The following FLNB variants were observed in gnomAD, a reference collection of about 807,000 sequenced individuals.
FLNB encodes filamin-B.
In FLNB, 111 loss-of-function variants were observed where a neutral mutation model predicts 250.6. The ratio of observed to expected loss-of-function variants is 0.44; its 90% CI spans 0.38 to 0.52. The LOEUF (loss-of-function observed/expected upper bound fraction) is 0.52. FLNB is among the 20% of genes least tolerant of loss of function. The pLI, the probability that FLNB is intolerant of heterozygous loss-of-function variation, is 0.00. For missense variants in FLNB, 2,869 were observed against 3,447.8 expected (o/e 0.83, Z 4.20); for synonymous variants, 1,302 against 1,372.1 (o/e 0.95, Z 1.13).
At chr3:58,127,934 T>G (rs1427145159) in intron 24 of FLNB, among the ~76,000 whole-genome samples, 1 of 151,502 alleles carries the variant, frequency 6.6e-6, no homozygotes, top group Admixed American at 6.6e-5. Flanking sequence ...TGAGACCACC[T>G]CCCCCGCCCC....
chr3:58,110,753 T>A (rs2097267226), intron 16 of FLNB, among the ~76,000 whole-genome samples: 1 of 152,192 alleles, frequency 6.6e-6, no homozygotes, highest in African/African-American at 2.4e-5. Flanking sequence ...GCCACTCAGC[T>A]AATTGTTTTG....
intron 41 of FLNB, among the ~76,000 whole-genome samples, chr3:58,158,667 A>G (rs1575471569): frequency 6.6e-6 from 1 of 152,190 alleles, no homozygotes; most frequent in African/African-American, 2.4e-5. Context: ...AAATATCTCA[A>G]ATGTTGTTGC....
chr3:58,078,379 A>T, intron 2 of FLNB: 6 of 1,522,748 alleles, frequency 3.9e-6, no homozygotes, highest in South Asian at 1.2e-5. Context: ...TATATCCAGG[A>T]ATAGAGTAAA....
intron 4 of FLNB, among the ~76,000 whole-genome samples, chr3:58,085,823 T>C (rs1037112615): frequency 6.6e-6 from 1 of 152,056 alleles, no homozygotes; most frequent in Non-Finnish European, 1.5e-5. Context: ...TCCGCAGAAG[T>C]TTACAGAGTT....
intron 1 of FLNB, among the ~76,000 whole-genome samples, chr3:58,048,919 C>G (rs1477497832): frequency 6.6e-6 from 1 of 152,148 alleles, no homozygotes; most frequent in South Asian, 2.1e-4. Context: ...GTACATTTCA[C>G]TCTGTGTATG....
intron 38 of FLNB, 150 bp downstream of exon 38, chr3:58,150,377 T>C (rs905992269): frequency 9.6e-6 from 8 of 837,214 alleles, no homozygotes; most frequent in Non-Finnish European, 1.6e-5. Context: ...TTCATTATGT[T>C]CTTCTATGTT....
At chr3:58,053,352 TTC>T (rs1466155118) in intron 1 of FLNB, among the ~76,000 whole-genome samples, 1 of 152,244 alleles carries the variant, frequency 6.6e-6, no homozygotes, top group East Asian at 1.9e-4. Flanking sequence ...CCTGGTTAAT[TTC>T]TGTGGTATAC....
chr3:58,070,999 G>A (rs2097193619), intron 1 of FLNB, among the ~76,000 whole-genome samples: 1 of 151,144 alleles, frequency 6.6e-6, no homozygotes, highest in Admixed American at 6.6e-5. Flanking sequence ...CCAGCTTGGA[G>A]TGCAGTGGCG....
chr3:58,020,914 G>A (rs1443299609), intron 1 of FLNB, among the ~76,000 whole-genome samples: 6 of 151,906 alleles, frequency 3.9e-5, no homozygotes, highest in African/African-American at 7.3e-5. Flanking sequence ...AGGCAGGAAC[G>A]GTGCTACCTT....
intron 1 of FLNB, among the ~76,000 whole-genome samples, chr3:58,059,932 A>T (rs2097175613): frequency 6.6e-6 from 1 of 152,192 alleles, no homozygotes; most frequent in African/African-American, 2.4e-5. Context: ...TTCTGGAGTC[A>T]TGGCCTGGGT....
intron 1 of FLNB, among the ~76,000 whole-genome samples, chr3:58,061,395 T>C (rs1052145747): frequency 6.6e-6 from 1 of 152,186 alleles, no homozygotes; most frequent in African/African-American, 2.4e-5. Flanking sequence ...TTGTACTATG[T>C]TTCTTTTTTT....
intron 39 of FLNB, 126 bp from the exon 40 acceptor site, chr3:58,154,664 TG>T (rs2097350625): frequency 1.0e-6 from 1 of 990,110 alleles, no homozygotes. Flanking sequence ...GGGTTCTGCT[TG>T]GGGTTGGAGA....
At chr3:58,056,096 TA>T (rs2097169941) in intron 1 of FLNB, among the ~76,000 whole-genome samples, 4 of 132,454 alleles carry the variant, frequency 3.0e-5, no homozygotes, top group Non-Finnish European at 4.5e-5. Flanking sequence ...TTTATTTATT[TA>T]TTTATTTATT....
intron 1 of FLNB, among the ~76,000 whole-genome samples, chr3:58,066,439 G>A (rs1035629772): frequency 9.9e-5 from 15 of 152,002 alleles, no homozygotes; most frequent in Admixed American, 8.5e-4. Context: ...GGCTGGTCTC[G>A]AACTCCTGAC....
chr3:58,149,312 C>T (rs939028647), intron 36 of FLNB: 3 of 260,374 alleles, frequency 1.2e-5, no homozygotes, highest in Admixed American at 5.1e-5. Context: ...TTGCCACACC[C>T]CAGTGCCTCC....
In FLNB at chr3:58,081,053, C is replaced by T. The variant is rs1050403297; in HGVS notation, c.640-576C>T. ...AAGTGATTTCTCTTGTCTTGGCCTC[C>T]TAAAGTGATGGGATTACAGTCATGA... is the stretch of plus-strand genomic sequence containing the variant. On this transcript the variant is annotated intron_variant, in intron 3 of 45. Coordinates refer to ENST00000295956, the MANE Select transcript of FLNB (RefSeq NM_001457.4). Among the ~76,000 whole-genome samples the T allele has an allele frequency of 2.6e-5, 4 of 152,080 alleles. No individual in the cohort carries two copies. The East Asian group carries it at 7.7e-4, about 29-fold the overall frequency.
At chr3:58,049,104 G>A (rs2097158385) in intron 1 of FLNB, among the ~76,000 whole-genome samples, 1 of 152,238 alleles carries the variant, frequency 6.6e-6, no homozygotes, top group African/African-American at 2.4e-5. Context: ...GTATAAGTAT[G>A]TTCCAAGTGT....
chr3:58,088,101 G>A (rs2097220428), intron 4 of FLNB, among the ~76,000 whole-genome samples: 1 of 140,664 alleles, frequency 7.1e-6, no homozygotes, highest in African/African-American at 2.7e-5. Flanking sequence ...GAGTGCAATG[G>A]TATGATCTTG....
chr3:58,039,108 G>T (rs892896451), intron 1 of FLNB, among the ~76,000 whole-genome samples: 1 of 149,108 alleles, frequency 6.7e-6, no homozygotes, highest in African/African-American at 2.5e-5. Context: ...GCTCACTGCA[G>T]CCTTGACCAC....
Sources: gnomAD v4.1 joint callset for allele counts (sites outside exome capture counted in the v4.1 genomes callset) on GRCh38, gnomAD v4.1.1 for gene constraint, MANE v1.5 for transcripts, NCBI Gene and HGNC (gene_info 2026-07-23, HGNC 2026-07-21) for gene names.